Variants in ANKRD30BL observed in about 807,000 individuals in gnomAD.
ANKRD30BL encodes ankyrin repeat domain 30B like, also known as putative ankyrin repeat domain-containing protein 30B-like.
In ANKRD30BL, 20 loss-of-function variants were observed where a neutral mutation model predicts 18.4. The observed-to-expected ratio is 1.09, with a 90% CI of 0.77 to 1.58. ANKRD30BL has a LOEUF of 1.58. Ranked by LOEUF, ANKRD30BL falls within the 40% of genes most tolerant of loss-of-function variation. The pLI is 0.00. For synonymous variants in ANKRD30BL, 72 were observed against 100.9 expected (o/e 0.71, Z 1.72); for missense variants, 224 against 268.6 (o/e 0.83, Z 1.16).
intron 1 of ANKRD30BL, among the ~76,000 whole-genome samples, chr2:132,175,197 T>TGTA (rs1688341180): frequency 8.2e-6 from 1 of 121,548 alleles, no homozygotes; most frequent in South Asian, 3.1e-4. Context: ...TCCCTCAGTT[T>TGTA]TTATTATTAT....
At chr2:132,237,057 T>C (rs1308143012) in intron 1 of ANKRD30BL, among the ~76,000 whole-genome samples, 1 of 151,148 alleles carries the variant, frequency 6.6e-6, no homozygotes, top group Non-Finnish European at 1.5e-5. Context: ...TTCTCACTCA[T>C]AGGTGGGAAT....
intron 1 of ANKRD30BL, among the ~76,000 whole-genome samples, chr2:132,249,068 G>A (rs1680579881): frequency 2.0e-5 from 3 of 152,084 alleles, no homozygotes; most frequent in African/African-American, 7.2e-5. Flanking sequence ...TCTGTGAGAT[G>A]AATGCACACA....
intron 1 of ANKRD30BL, among the ~76,000 whole-genome samples, chr2:132,252,914 T>C (rs75936687): frequency 1.3e-5 from 2 of 151,958 alleles, no homozygotes; most frequent in African/African-American, 4.8e-5. Flanking sequence ...TCTATTTTCA[T>C]GGGTGGCGGT....
At chr2:132,156,022 T>G (rs942107423) in intron 3 of ANKRD30BL, 3 of 152,180 alleles carry the variant, frequency 2.0e-5, no homozygotes, top group African/African-American at 7.2e-5. Flanking sequence ...CCACTTTTAT[T>G]CTGGTTTCTA....
At chr2:132,153,544 T>A in intron 4 of ANKRD30BL, 1 of 532,824 alleles carries the variant, frequency 1.9e-6, no homozygotes, top group Non-Finnish European at 3.7e-6. Context: ...AGCCTTTAAA[T>A]GTAAACACTT....
intron 1 of ANKRD30BL, among the ~76,000 whole-genome samples, chr2:132,221,280 G>T (rs928004152): frequency 6.8e-6 from 1 of 147,722 alleles, no homozygotes; most frequent in Non-Finnish European, 1.5e-5. Context: ...GAAGTGAGGA[G>T]CCCCTCTGCC....
intron 1 of ANKRD30BL, among the ~76,000 whole-genome samples, chr2:132,170,627 T>G (rs1235636879): frequency 6.6e-6 from 1 of 152,240 alleles, no homozygotes; most frequent in Non-Finnish European, 1.5e-5. Flanking sequence ...TGAAAATACC[T>G]ATTAAGGAAT....
chr2:132,249,351 A>C (rs548755141), intron 1 of ANKRD30BL, among the ~76,000 whole-genome samples: 34 of 152,176 alleles, frequency 2.2e-4, no homozygotes, highest in Admixed American at 4.6e-4. Context: ...CCATTTGCAG[A>C]TTCTACAAAA....
chr2:132,250,111 CA>C (rs1319229246), intron 1 of ANKRD30BL, among the ~76,000 whole-genome samples: 2 of 152,088 alleles, frequency 1.3e-5, no homozygotes, highest in African/African-American at 4.8e-5. Flanking sequence ...ATCCACACAT[CA>C]CAAAGTAGTT....
At chr2:132,154,612 T>C (rs763501648) in intron 4 of ANKRD30BL, 50 bp downstream of exon 4, 1 of 567,886 alleles carries the variant, frequency 1.8e-6, no homozygotes, top group Non-Finnish European at 3.2e-6. Context: ...TTGAGAGTTA[T>C]TACTCTAGCA....
At chr2:132,214,799 C>T (rs548163679) in intron 1 of ANKRD30BL, among the ~76,000 whole-genome samples, 1 of 151,444 alleles carries the variant, frequency 6.6e-6, no homozygotes, top group African/African-American at 2.4e-5. Context: ...TGCAAGTGGA[C>T]ATTTGGAGTG....
At chr2:132,221,861 G>T (rs1287719860) in intron 1 of ANKRD30BL, among the ~76,000 whole-genome samples, 7 of 125,166 alleles carry the variant, frequency 5.6e-5, no homozygotes, top group Admixed American at 4.3e-4. Context: ...CCGTCCGGGA[G>T]GGGGGAGGGG....
At chr2:132,180,217 AC>A (rs895863275) in intron 1 of ANKRD30BL, among the ~76,000 whole-genome samples, 2 of 101,558 alleles carry the variant, frequency 2.0e-5, no homozygotes, top group East Asian at 2.7e-4. Flanking sequence ...CTACAAGTGT[AC>A]CCTTTTTTTT....
At chr2:132,149,807 A>T (rs1687710268) in intron 5 of ANKRD30BL, among the ~76,000 whole-genome samples, 3 of 152,200 alleles carry the variant, frequency 2.0e-5, no homozygotes, top group African/African-American at 7.2e-5. Flanking sequence ...CATAAAGGCA[A>T]TGAGAATGAA....
At position 132,175,442 on chromosome 2, in the gene ANKRD30BL, T is replaced by C. The variant is rs987494013; in HGVS notation, n.442-18296A>G. On this transcript the variant is annotated intron_variant and non_coding_transcript_variant, in intron 1 of 4. Transcript: ENST00000470729. ...ACATGTCTTGCCTCCTGCCATAAGG[T>C]GGTTTTTCTCCTATCTCAGAATTGA... 5.9e-5 allele frequency among the ~76,000 whole-genome samples: 9 copies of C among 152,292 alleles called. No homozygotes were observed. In the South Asian group the frequency reaches 6.2e-4, roughly 11 times the overall value.
chr2:132,220,344 C>G (rs1393499819), intron 1 of ANKRD30BL, among the ~76,000 whole-genome samples: 1,131 of 102,704 alleles, frequency 0.011, 100 homozygotes, highest in African/African-American at 0.058. Flanking sequence ...CCCTCTCCCT[C>G]TCCCTGTCCC....
At chr2:132,196,158 A>T (rs1678963664) in intron 1 of ANKRD30BL, among the ~76,000 whole-genome samples, 1 of 151,638 alleles carries the variant, frequency 6.6e-6, no homozygotes, top group South Asian at 2.1e-4. Context: ...AAAAAAAAGA[A>T]AAAGAAAAAG....
rs890369838 is a variant in ANKRD30BL, at chr2:132,161,762, T to A, written c.-57A>T. The stretch of plus-strand genomic sequence containing the variant: ...CCTCCCGCTGCTCGCCCTTCCCCAG[T>A]CCCCGCCGCTCGCCCTCGCCCTTCT... On this transcript the variant is annotated 5_prime_UTR_variant, in exon 1 of 6. Coordinates refer to ENST00000409867, the MANE Select transcript of ANKRD30BL (RefSeq NM_001358416.1). The A allele has an allele frequency of 2.6e-6, 2 of 774,822 alleles. No individual in the cohort carries two copies. Among genetic ancestry groups the A allele is most frequent in the Admixed American group, 4.4e-5 (2 of 45,050 alleles). 48.0% of individuals were successfully genotyped at this position (774,822 alleles called of 1,614,324 possible).
intron 1 of ANKRD30BL, among the ~76,000 whole-genome samples, chr2:132,223,577 G>T (rs1679758757): frequency 6.6e-6 from 1 of 151,966 alleles, no homozygotes; most frequent in Non-Finnish European, 1.5e-5. Flanking sequence ...AACTGCAAGT[G>T]GAAATTTGGA....
Sources: gnomAD v4.1 joint callset for allele counts (sites outside exome capture counted in the v4.1 genomes callset) on GRCh38, gnomAD v4.1.1 for gene constraint, MANE v1.5 for transcripts, NCBI Gene and HGNC (gene_info 2026-07-23, HGNC 2026-07-21) for gene names.